Variants in TLL1 observed in about 807,000 individuals in gnomAD.
TLL1 encodes the protein tolloid like 1, also known as tolloid-like protein 1.
A neutral mutation model predicts 128.2 loss-of-function variants in TLL1; 49 were observed. The observed-to-expected ratio is 0.38, with a 90% CI of 0.30 to 0.48. The LOEUF (loss-of-function observed/expected upper bound fraction) is 0.48. Among genes scored for constraint, TLL1 ranks in the 20% least tolerant of loss-of-function variants. The pLI, the probability that TLL1 is intolerant of heterozygous loss-of-function variation, is 0.96. For synonymous variants in TLL1, 454 were observed against 418.8 expected, an observed-to-expected ratio of 1.08 and a Z score of -1.03; for missense variants, 1,123 against 1,242.0, an observed-to-expected ratio of 0.90 and a Z score of 1.44.
chr4:165,910,652 C>T (rs889666188), intron 1 of TLL1, among the ~76,000 whole-genome samples: 2 of 152,150 alleles, frequency 1.3e-5, no homozygotes, highest in Non-Finnish European at 2.9e-5. Flanking sequence ...AATCAGTTAA[C>T]TGAAATGCTC....
At position 166,007,820 on chromosome 4, in the gene TLL1, T is replaced by C. The variant is rs900524582; in HGVS notation, c.812-123T>C. 8 of 714,672 alleles carry C rather than the reference T, an allele frequency of 1.1e-5. No individual in the cohort carries two copies. In the South Asian group the frequency reaches 1.1e-4, roughly 10 times the overall value. The allele number at this position is 714,672 out of a possible 1,614,324, so 44.3% of individuals were successfully genotyped here. On this transcript the variant is annotated intron_variant, in intron 6 of 20. Coordinates refer to ENST00000061240, the MANE Select transcript of TLL1 (RefSeq NM_012464.5). ...TCTGCATGTGCCTGTGTGTTTTGTA[T>C]GTAAATTCGATCAGCAAGATCAGTC...
At chr4:165,935,997 C>A (rs1254066918) in intron 1 of TLL1, among the ~76,000 whole-genome samples, 1 of 151,630 alleles carries the variant, frequency 6.6e-6, no homozygotes, top group Non-Finnish European at 1.5e-5. Context: ...TTTATCAGGA[C>A]ACACATAATG....
intron 8 of TLL1, among the ~76,000 whole-genome samples, chr4:166,014,955 T>G (rs531787832): frequency 6.6e-6 from 1 of 152,108 alleles, no homozygotes; most frequent in Non-Finnish European, 1.5e-5. Flanking sequence ...GATGATATTT[T>G]TTTGCAAGTA....
At chr4:166,044,524 T>C in intron 12 of TLL1, 3 of 1,096,210 alleles carry the variant, frequency 2.7e-6, no homozygotes, top group South Asian at 2.9e-5. Context: ...CAAAAAAATA[T>C]ATACTTTCTA....
chr4:165,995,807 A>T (rs914889061), intron 5 of TLL1, among the ~76,000 whole-genome samples: 10 of 152,186 alleles, frequency 6.6e-5, no homozygotes, highest in African/African-American at 1.9e-4. Context: ...GAAAGGATAT[A>T]AACTCATCTT....
intron 12 of TLL1, among the ~76,000 whole-genome samples, chr4:166,047,207 C>T (rs1739494159): frequency 6.6e-6 from 1 of 151,378 alleles, no homozygotes; most frequent in Non-Finnish European, 1.5e-5. Context: ...CTGTTTCGCC[C>T]AGACTGCAAG....
intron 1 of TLL1, among the ~76,000 whole-genome samples, chr4:165,925,648 G>A (rs1733235228): frequency 6.6e-6 from 1 of 152,146 alleles, no homozygotes; most frequent in East Asian, 1.9e-4. Context: ...TAAAGCAGTG[G>A]CAGAGTTTGA....
At chr4:165,988,357 C>T (rs535393135) in intron 1 of TLL1, among the ~76,000 whole-genome samples, 5 of 152,232 alleles carry the variant, frequency 3.3e-5, no homozygotes, top group Admixed American at 2.6e-4. Flanking sequence ...CTCCTGCAAT[C>T]CCAGCATTTT....
chr4:166,001,842 T>C (rs1396410827), intron 5 of TLL1, among the ~76,000 whole-genome samples: 1 of 151,508 alleles, frequency 6.6e-6, no homozygotes, highest in Non-Finnish European at 1.5e-5. Context: ...TAAATATCAA[T>C]CAATTGATGA....
intron 8 of TLL1, among the ~76,000 whole-genome samples, chr4:166,017,477 T>C (rs958749701): frequency 6.6e-6 from 1 of 152,136 alleles, no homozygotes; most frequent in Non-Finnish European, 1.5e-5. Flanking sequence ...CAGGGTTGAA[T>C]TGTTGTTGTG....
chr4:166,077,955 C>T lies in TLL1; in HGVS notation c.2367C>T (p.Asn789=), dbSNP rs1741112492. 13 of 1,613,568 alleles carry T rather than the reference C, an allele frequency of 8.1e-6. No individual in the cohort carries two copies. The highest frequency in any genetic ancestry group is 1.1e-5 in the Non-Finnish European group (13 of 1,179,758). The change falls in exon 18 of 21, where the codon AAC becomes AAT. Residue 789 remains asparagine (N), a synonymous_variant. Transcript: ENST00000061240. ...CAAGTGGCCTCATCACCAGTCCCAA[C>T]TGGCCAGACAAGTACCCAAGCAGGA... ...HSPSGLITSP[N]WPDKYPSRKE... is the part of the protein sequence containing the mutation.
chr4:165,959,360 C>T (rs1734980662), intron 1 of TLL1, among the ~76,000 whole-genome samples: 1 of 152,102 alleles, frequency 6.6e-6, no homozygotes, highest in African/African-American at 2.4e-5. Flanking sequence ...AATGTTCTTC[C>T]ATTTATTTGT....
chr4:165,994,952 ATAG>A, intron 4 of TLL1, 106 bp from the exon 5 acceptor site: 1 of 818,626 alleles, frequency 1.2e-6, no homozygotes, highest in East Asian at 2.4e-5. Flanking sequence ...TTGGTTGATG[ATAG>A]TGGTGGCATT....
chr4:165,935,990 A>G (rs952353468), intron 1 of TLL1, among the ~76,000 whole-genome samples: 2 of 151,710 alleles, frequency 1.3e-5, no homozygotes, highest in Non-Finnish European at 2.9e-5. Flanking sequence ...GTGTTCTTTT[A>G]TCAGGACACA....
chr4:165,937,415 A>G (rs1178623366), intron 1 of TLL1, among the ~76,000 whole-genome samples: 2 of 152,194 alleles, frequency 1.3e-5, no homozygotes, highest in African/African-American at 2.4e-5. Flanking sequence ...CAGAATAACT[A>G]TGCTAGTACT....
At chr4:166,055,601 T>A (rs1170016894) in intron 13 of TLL1, among the ~76,000 whole-genome samples, 5 of 152,170 alleles carry the variant, frequency 3.3e-5, no homozygotes, top group African/African-American at 1.2e-4. Context: ...AGAAGGTTAC[T>A]GACATGAAGT....
At chr4:165,928,007 C>T (rs560042051) in intron 1 of TLL1, among the ~76,000 whole-genome samples, 4 of 152,032 alleles carry the variant, frequency 2.6e-5, no homozygotes, top group East Asian at 1.9e-4. Context: ...CTCTGTTTTA[C>T]GCTAAATGTA....
intron 15 of TLL1, among the ~76,000 whole-genome samples, chr4:166,063,692 A>G (rs11942496): frequency 0.43 from 65,213 of 151,794 alleles, 15,215 homozygotes; most frequent in African/African-American, 0.63. Context: ...TCCTTTGTAG[A>G]GACATGGATG....
chr4:166,030,068 T>C (rs1738688790), intron 9 of TLL1, among the ~76,000 whole-genome samples: 1 of 152,096 alleles, frequency 6.6e-6, no homozygotes, highest in East Asian at 1.9e-4. Flanking sequence ...ACCTTTATAC[T>C]GTTTTCCATA....
Sources: allele counts gnomAD v4.1 joint callset (sites outside exome capture counted in the v4.1 genomes callset), GRCh38; gene constraint gnomAD v4.1.1; transcripts MANE v1.5; gene names NCBI Gene and HGNC (gene_info 2026-07-23, HGNC 2026-07-21).